BLTP3A: variants seen among roughly 807,000 people sequenced by gnomAD.
BLTP3A encodes the protein ICBP90 binding protein 1.
At chr6:34,799,488 TG>T in the BLTP3A span, among the ~76,000 whole-genome samples, 22,133 of 147,874 alleles carry the variant, frequency 0.15, 1,854 homozygotes, top group African/African-American at 0.22. Context: ...AGACCCTGTC[TG>T]GGAAAAAAAA....
chr6:34,814,424 A>AT, the BLTP3A span, among the ~76,000 whole-genome samples: 55,164 of 152,076 alleles, frequency 0.36, 11,944 homozygotes, highest in African/African-American at 0.61. Flanking sequence ...GGCAGTATCC[A>AT]TTTTTTGTTG....
At chr6:34,874,573 G>C in the BLTP3A span, 1 of 152,212 alleles carries the variant, frequency 6.6e-6, no homozygotes, top group Non-Finnish European at 1.5e-5. Flanking sequence ...CTAATAAGCA[G>C]GGCTGAGAAT....
At chr6:34,812,477 G>C in the BLTP3A span, among the ~76,000 whole-genome samples, 1 of 152,122 alleles carries the variant, frequency 6.6e-6, no homozygotes, top group Non-Finnish European at 1.5e-5. Context: ...TTGTCATGCA[G>C]TTTTCTTTTT....
chr6:34,818,099 C>A, the BLTP3A span, among the ~76,000 whole-genome samples: 1 of 152,036 alleles, frequency 6.6e-6, no homozygotes, highest in Non-Finnish European at 1.5e-5. Context: ...ACCTCGTGAT[C>A]CGCCCGCCTT....
At chr6:34,875,144 G>A in the BLTP3A span, 1 of 152,592 alleles carries the variant, frequency 6.6e-6, no homozygotes. Flanking sequence ...CTATACATGG[G>A]TGCAGGTTTA....
At chr6:34,813,630 C>T in the BLTP3A span, among the ~76,000 whole-genome samples, 1 of 152,168 alleles carries the variant, frequency 6.6e-6, no homozygotes, top group African/African-American at 2.4e-5. Flanking sequence ...TTTAGCTGCC[C>T]TTGGACTCTG....
At chr6:34,800,629 A>G in the BLTP3A span, among the ~76,000 whole-genome samples, 1 of 152,204 alleles carries the variant, frequency 6.6e-6, no homozygotes, top group Non-Finnish European at 1.5e-5. Context: ...ATACAGATAA[A>G]TATTGGAAAA....
At chr6:34,806,609 G>A in the BLTP3A span, among the ~76,000 whole-genome samples, 2 of 152,192 alleles carry the variant, frequency 1.3e-5, no homozygotes, top group African/African-American at 4.8e-5. Flanking sequence ...AGTTTTCAAA[G>A]ATATATGCTA....
chr6:34,861,363 C>T, the BLTP3A span, among the ~76,000 whole-genome samples: 2,061 of 152,186 alleles, frequency 0.014, 34 homozygotes, highest in Non-Finnish European at 0.016. Flanking sequence ...TGGGCTCAAG[C>T]GATTCACCCA....
chr6:34,842,543 G>A, the BLTP3A span, among the ~76,000 whole-genome samples: 1 of 151,942 alleles, frequency 6.6e-6, no homozygotes, highest in Non-Finnish European at 1.5e-5. Context: ...ATCATCTGTG[G>A]CCCTCTAAAG....
chr6:34,815,773 G>C, the BLTP3A span, among the ~76,000 whole-genome samples: 2 of 151,964 alleles, frequency 1.3e-5, no homozygotes, highest in African/African-American at 2.4e-5. Flanking sequence ...CTCCCAAGTA[G>C]CTGGGATTAC....
chr6:34,812,781 A>G, the BLTP3A span, among the ~76,000 whole-genome samples: 14 of 152,290 alleles, frequency 9.2e-5, no homozygotes, highest in African/African-American at 3.1e-4. Context: ...AGTAAAACCT[A>G]TTAGGACAAA....
the BLTP3A span, among the ~76,000 whole-genome samples, chr6:34,861,968 T>C: frequency 2.6e-5 from 4 of 152,244 alleles, no homozygotes; most frequent in East Asian, 7.7e-4. Context: ...ATCTGGGGAG[T>C]CATTTAGTCT....
the BLTP3A span, among the ~76,000 whole-genome samples, chr6:34,840,816 C>T: frequency 2.8e-3 from 425 of 151,632 alleles, 2 homozygotes; most frequent in Admixed American, 5.1e-3. Context: ...TGCAGTTTCA[C>T]CGTATGAACC....
the BLTP3A span, chr6:34,821,620 G>A: frequency 5.7e-6 from 9 of 1,565,466 alleles, no homozygotes; most frequent in Non-Finnish European, 6.1e-6. Context: ...GATTCCCATG[G>A]AAATAATAGC....
the BLTP3A span, among the ~76,000 whole-genome samples, chr6:34,839,764 G>A: frequency 6.6e-6 from 1 of 152,192 alleles, no homozygotes; most frequent in East Asian, 1.9e-4. Context: ...ATAAAGCTGC[G>A]CGGGTGGCTC....
At chr6:34,873,742 C>G in the BLTP3A span, 1 of 152,152 alleles carries the variant, frequency 6.6e-6, no homozygotes, top group South Asian at 2.1e-4. Flanking sequence ...CTCGACCATT[C>G]ACCTTTCCAT....
At chr6:34,806,504 G>C in the BLTP3A span, among the ~76,000 whole-genome samples, 7 of 152,170 alleles carry the variant, frequency 4.6e-5, no homozygotes, top group Admixed American at 4.6e-4. Flanking sequence ...CTTAACCTAA[G>C]CGTACATGTT....
the BLTP3A span, among the ~76,000 whole-genome samples, chr6:34,832,756 T>C: frequency 6.6e-6 from 1 of 152,176 alleles, no homozygotes; most frequent in Non-Finnish European, 1.5e-5. Flanking sequence ...AGCCTCTTTA[T>C]GTTTAATATC....
Sources: gnomAD v4.1 joint callset for allele counts (sites outside exome capture counted in the v4.1 genomes callset) on GRCh38, gnomAD v4.1.1 for gene constraint, MANE v1.5 for transcripts, NCBI Gene and HGNC (gene_info 2026-07-23, HGNC 2026-07-21) for gene names.